The following TBC1D16 variants were observed in gnomAD, a reference collection of about 807,000 sequenced individuals.
TBC1D16 encodes the protein TBC1 domain family member 16.
In TBC1D16, 58 loss-of-function variants were observed where a neutral mutation model predicts 74.7. That is an observed-to-expected ratio of 0.78 (90% CI 0.63 to 0.97). The LOEUF (loss-of-function observed/expected upper bound fraction) is 0.97, where lower values mean the gene tolerates loss of function less well. TBC1D16 is among the 50% of genes least tolerant of loss of function. The pLI is 0.00. For missense variants in TBC1D16, 1,014 were observed against 1,079.5 expected, an observed-to-expected ratio of 0.94 and a Z score of 0.85; for synonymous variants, 493 against 474.7, an observed-to-expected ratio of 1.04 and a Z score of -0.50.
intron 1 of TBC1D16, among the ~76,000 whole-genome samples, chr17:80,032,877 A>C (rs1438886298): frequency 2.0e-5 from 3 of 152,216 alleles, no homozygotes; most frequent in Non-Finnish European, 2.9e-5. Flanking sequence ...TGTGACAAAA[A>C]TCAGGGTCCC....
At chr17:80,004,097 T>C (rs1037516826) in intron 3 of TBC1D16, among the ~76,000 whole-genome samples, 7 of 152,240 alleles carry the variant, frequency 4.6e-5, no homozygotes, top group African/African-American at 7.2e-5. Context: ...AAAACAATTT[T>C]ATTAATCCGT....
At chr17:80,029,597 C>T (rs1479859407) in intron 1 of TBC1D16, among the ~76,000 whole-genome samples, 1 of 152,148 alleles carries the variant, frequency 6.6e-6, no homozygotes, top group Non-Finnish European at 1.5e-5. Flanking sequence ...GTGACTTATA[C>T]CCTAGAAAAG....
Position 79,983,908 on chromosome 17 carries a change from C to T in TBC1D16, c.779+26252G>A, listed in dbSNP as rs2034701488. On this transcript the variant is annotated intron_variant, in intron 3 of 11. Transcript: ENST00000310924. The surrounding 1 kb of genome is among the most constrained non-coding windows in gnomAD (Gnocchi z 5.6). The stretch of plus-strand genomic sequence containing the variant: ...TAGAGACAGGGTCATGCTCTGTCAC[C>T]CATGCTGGAGTGCAGGGGTATGATC... Among the ~76,000 whole-genome samples the T allele has an allele frequency of 6.6e-6, 1 of 152,134 alleles. No homozygotes were observed. The highest frequency in any genetic ancestry group is 2.4e-5 in the African/African-American group (1 of 41,436).
intron 1 of TBC1D16, among the ~76,000 whole-genome samples, chr17:80,021,746 CAT>C (rs2036290049): frequency 6.8e-6 from 1 of 147,658 alleles, no homozygotes; most frequent in Non-Finnish European, 1.5e-5. Flanking sequence ...CTGCACACAC[CAT>C]AGACACATCA....
chr17:79,934,488 G>A lies in TBC1D16; in HGVS notation c.*6371C>T, dbSNP rs997778427. Reference sequence around the variant, plus strand: ...CCACCACGGCTGTTGCAGAGTCCACGGTAAGAGCCAGGACGTGGCTTCCAG... The same window carrying A: ...CCACCACGGCTGTTGCAGAGTCCACAGTAAGAGCCAGGACGTGGCTTCCAG... On this transcript the variant is annotated 3_prime_UTR_variant, in exon 12 of 12. Coordinates refer to ENST00000310924, the MANE Select transcript of TBC1D16 (RefSeq NM_019020.4). The A allele has an allele frequency of 6.6e-6, 1 of 152,272 alleles. No individual in the cohort carries two copies. Among genetic ancestry groups the A allele is most frequent in the African/African-American group, 2.4e-5 (1 of 41,460 alleles). The allele number at this position is 152,272 out of a possible 1,614,324, so 9.4% of individuals were successfully genotyped here.
Position 79,952,756 on chromosome 17 carries a change from G to C in TBC1D16, c.842C>G (p.Pro281Arg). ...FPDSNGLLQT[P>R]RWDEPQRVCA... The stretch of plus-strand genomic sequence containing the variant: ...CACCCGCTGCGGCTCGTCCCAGCGT[G>C]GGGTCTGCAGGAGGCCGTTGCTGTC... Residue 281 changes from proline (P) to arginine (R), a missense_variant, in exon 4 of 12, where the codon CCA (proline) becomes CGA (arginine). By Grantham distance (103) the Pro-to-Arg change is moderately radical (BLOSUM62 -2). Coordinates refer to ENST00000310924, the MANE Select transcript of TBC1D16 (RefSeq NM_019020.4). 2.5e-6 allele frequency: 4 copies of C among 1,612,244 alleles called. No homozygotes were observed. The highest frequency in any genetic ancestry group is 3.4e-6 in the Non-Finnish European group (4 of 1,179,476).
At chr17:79,948,516 G>A (rs1841845604) in intron 8 of TBC1D16, among the ~76,000 whole-genome samples, 1 of 152,142 alleles carries the variant, frequency 6.6e-6, no homozygotes, top group South Asian at 2.1e-4. Flanking sequence ...ACAGATGCCA[G>A]CCTCTGGCTC....
intron 1 of TBC1D16, among the ~76,000 whole-genome samples, chr17:80,030,717 C>T (rs77836053): frequency 0.09 from 13,628 of 152,208 alleles, 664 homozygotes; most frequent in Middle Eastern, 0.12. Flanking sequence ...TGGCAGTTCC[C>T]ACTCACCAGA....
At chr17:80,030,701 T>C (rs866334184) in intron 1 of TBC1D16, among the ~76,000 whole-genome samples, 6 of 152,282 alleles carry the variant, frequency 3.9e-5, no homozygotes, top group Middle Eastern at 3.4e-3. Flanking sequence ...TGGAAACCCA[T>C]GGAGCTGGCA....
rs1036528191 is a variant in TBC1D16, at chr17:79,979,817, C to T, written c.780-26999G>A. ...AGCAGAGACTGAGGCCAGAGAATAA[C>T]CAAGTAGCAAGGAGGGGAGGGGTCT... is the stretch of plus-strand genomic sequence containing the variant. On this transcript the variant is annotated intron_variant, in intron 3 of 11. Transcript: ENST00000310924. This position sits in a 1 kb window ranked among gnomAD's most constrained non-coding sequence, Gnocchi z 4.8. Among the ~76,000 whole-genome samples, 2 of 151,954 alleles carry T rather than the reference C, an allele frequency of 1.3e-5. No individual in the cohort carries two copies. The highest frequency in any genetic ancestry group is 2.9e-5 in the Non-Finnish European group (2 of 67,994).
In TBC1D16 at chr17:79,993,809, G is replaced by A. The variant is rs1277604975; in HGVS notation, c.779+16351C>T. Among the ~76,000 whole-genome samples the A allele has an allele frequency of 6.6e-6, 1 of 152,112 alleles. No individual in the cohort carries two copies. Among genetic ancestry groups the A allele is most frequent in the East Asian group, 1.9e-4 (1 of 5,174 alleles). On this transcript the variant is annotated intron_variant, in intron 3 of 11. Coordinates refer to ENST00000310924, the MANE Select transcript of TBC1D16 (RefSeq NM_019020.4). The surrounding 1 kb of genome is among the most constrained non-coding windows in gnomAD (Gnocchi z 5.1). ...CAGGGCTGTTGATGCAAGAGCTGGG[G>A]CTCGGGAGCCTCCCAAGGGCAGCTC...
In TBC1D16 at chr17:79,944,516, G is replaced by A. The variant is rs2032337761; in HGVS notation, c.1908+392C>T. 2.0e-5 allele frequency among the ~76,000 whole-genome samples: 3 copies of A among 152,208 alleles called. No individual in the cohort carries two copies. The highest frequency in any genetic ancestry group is 4.4e-5 in the Non-Finnish European group (3 of 68,042). On this transcript the variant is annotated intron_variant, in intron 10 of 11. Coordinates refer to ENST00000310924, the MANE Select transcript of TBC1D16 (RefSeq NM_019020.4). This position sits in a 1 kb window ranked among gnomAD's most constrained non-coding sequence, Gnocchi z 7.7. ...CCTTTCTCTGCACAGCAGGGTAACG[G>A]GTGAGTCGGCCCTCGTGGCAGGGCG...
At position 79,971,871 on chromosome 17, in the gene TBC1D16, G is replaced by A. The variant is rs1336044677; in HGVS notation, c.780-19053C>T. On this transcript the variant is annotated intron_variant, in intron 3 of 11. Transcript: ENST00000310924. This position sits in a 1 kb window ranked among gnomAD's most constrained non-coding sequence, Gnocchi z 4.6. ...GCTTCCTCTCGGAGCAGGTGGCATG[G>A]GGGCTGGCTGTGGGGGTCTTTGTGG... Among the ~76,000 whole-genome samples the A allele has an allele frequency of 3.3e-5, 5 of 152,140 alleles. No homozygotes were observed. Among genetic ancestry groups the A allele is most frequent in the African/African-American group, 9.7e-5 (4 of 41,416 alleles).
rs899061427 is a variant in TBC1D16, at chr17:80,010,568, T to C, written c.371A>G (p.Gln124Arg). 1.2e-6 allele frequency: 2 copies of C among 1,601,990 alleles called. No homozygotes were observed. Among genetic ancestry groups the C allele is most frequent in the Admixed American group, 1.8e-5 (1 of 56,968 alleles). ...AGGCCGCAGCTCCGTCGGGGAGGGC[T>C]GGTGGGAGGCTCCTGAGCTCCGGGT... Reference protein sequence around the residue: ...RRTRSSGASHQPSPTELRPTL... With the variant: ...RRTRSSGASHRPSPTELRPTL... Residue 124 changes from glutamine (Q) to arginine (R), a missense_variant, in exon 3 of 12, where the codon CAG (glutamine) becomes CGG (arginine). Transcript: ENST00000310924. The surrounding 1 kb of genome is among the most constrained non-coding windows in gnomAD (Gnocchi z 8.8).
chr17:79,975,804 C>A lies in TBC1D16; in HGVS notation c.780-22986G>T, dbSNP rs954537536. Among the ~76,000 whole-genome samples the A allele has an allele frequency of 6.6e-6, 1 of 152,252 alleles. No individual in the cohort carries two copies. Among genetic ancestry groups the A allele is most frequent in the Non-Finnish European group, 1.5e-5 (1 of 68,052 alleles). On this transcript the variant is annotated intron_variant, in intron 3 of 11. Transcript: ENST00000310924. This position sits in a 1 kb window ranked among gnomAD's most constrained non-coding sequence, Gnocchi z 4.5. ...AGGCAATGCCTGCGTCTGCCCACAC[C>A]TGCAGAGCATGAGCCCCACTTTGGA...
At chr17:79,996,829 C>T (rs2035290037) in intron 3 of TBC1D16, among the ~76,000 whole-genome samples, 1 of 152,172 alleles carries the variant, frequency 6.6e-6, no homozygotes, top group South Asian at 2.1e-4. Context: ...AACTTAGGTT[C>T]CAACAAAACC....
chr17:79,946,023 C>T (rs764803103), intron 9 of TBC1D16, among the ~76,000 whole-genome samples: 3 of 152,226 alleles, frequency 2.0e-5, no homozygotes, highest in Non-Finnish European at 2.9e-5. Flanking sequence ...CTTGCAGATG[C>T]TCCACTCCCG....
intron 1 of TBC1D16, among the ~76,000 whole-genome samples, chr17:80,019,389 C>A (rs886423701): frequency 1.3e-5 from 2 of 149,240 alleles, no homozygotes; most frequent in Non-Finnish European, 2.9e-5. Context: ...TCGTCCCCCA[C>A]GTGCAGAACT....
intron 3 of TBC1D16, among the ~76,000 whole-genome samples, chr17:79,982,267 C>T (rs2034619739): frequency 6.6e-6 from 1 of 151,746 alleles, no homozygotes; most frequent in Non-Finnish European, 1.5e-5. Context: ...CTGCCTCAGC[C>T]TCCTGAGTAG....
Sources: allele counts gnomAD v4.1 joint callset (sites outside exome capture counted in the v4.1 genomes callset), GRCh38; gene constraint gnomAD v4.1.1; non-coding constraint Gnocchi (gnomAD v3.1); transcripts MANE v1.5; gene names NCBI Gene and HGNC (gene_info 2026-07-23, HGNC 2026-07-21).